HNF4G: variants seen among roughly 807,000 people sequenced by gnomAD.
HNF4G encodes hepatocyte nuclear factor 4-gamma.
HNF4G carries 21 observed loss-of-function variants against 50.9 expected under a neutral mutation model. The observed-to-expected ratio is 0.41, with a 90% confidence interval of 0.29 to 0.59. The LOEUF (loss-of-function observed/expected upper bound fraction) is 0.59, where lower values mean the gene tolerates loss of function less well. Ranked by LOEUF, HNF4G falls within the 20% of genes least tolerant of loss-of-function variation. The pLI is 0.26. For synonymous variants in HNF4G, 198 were observed against 185.6 expected (o/e 1.07, Z -0.54); for missense variants, 527 against 559.4 (o/e 0.94, Z 0.58).
At chr8:75,486,006 A>C (rs1812489398) in intron 1 of HNF4G, among the ~76,000 whole-genome samples, 1 of 152,206 alleles carries the variant, frequency 6.6e-6, no homozygotes, top group African/African-American at 2.4e-5. Context: ...GGTCTGCTCT[A>C]GCTGCCAACC....
chr8:75,514,290 AT>A (rs1805833461), intron 2 of HNF4G, among the ~76,000 whole-genome samples: 1 of 119,084 alleles, frequency 8.4e-6, no homozygotes, highest in African/African-American at 3.1e-5. Flanking sequence ...TGCTGGGTTT[AT>A]TTTTTCCATC....
intron 2 of HNF4G, among the ~76,000 whole-genome samples, chr8:75,545,242 TG>T (rs1806740623): frequency 8.6e-6 from 1 of 116,112 alleles, no homozygotes; most frequent in Non-Finnish European, 1.9e-5. Flanking sequence ...AAATTGAATG[TG>T]TGTGTGTGTG....
chr8:75,556,711 A>G (rs1807139328), intron 6 of HNF4G, among the ~76,000 whole-genome samples: 1 of 152,136 alleles, frequency 6.6e-6, no homozygotes, highest in Non-Finnish European at 1.5e-5. Context: ...TCCTTCTGAC[A>G]CTTACTAGCT....
At chr8:75,503,064 G>A (rs1028776562) in intron 2 of HNF4G, among the ~76,000 whole-genome samples, 2 of 152,144 alleles carry the variant, frequency 1.3e-5, no homozygotes, top group African/African-American at 4.8e-5. Flanking sequence ...ATTAGGAAGG[G>A]CAGCAGGGGG....
chr8:75,552,315 T>C (rs1369275246), intron 4 of HNF4G, among the ~76,000 whole-genome samples: 3 of 152,124 alleles, frequency 2.0e-5, no homozygotes, highest in Non-Finnish European at 4.4e-5. Flanking sequence ...AGGGGAGCTA[T>C]GAGAAAATAT....
intron 2 of HNF4G, among the ~76,000 whole-genome samples, chr8:75,518,999 A>G (rs1483433064): frequency 6.6e-6 from 1 of 152,106 alleles, no homozygotes; most frequent in Non-Finnish European, 1.5e-5. Flanking sequence ...ATTCCAAACC[A>G]TATCTTTTTG....
intron 1 of HNF4G, among the ~76,000 whole-genome samples, chr8:75,464,449 T>C (rs964740128): frequency 2.6e-5 from 4 of 152,310 alleles, no homozygotes; most frequent in Non-Finnish European, 4.4e-5. Context: ...CTCAGTTTTT[T>C]ACCCCCTCAA....
In HNF4G at chr8:75,418,970, G is replaced by A. The variant is rs933890408; in HGVS notation, c.-144+10808G>A. ...TCGAATTCCTGACCTCAGGTGATCC[G>A]CCTGCCTCGGCCTCCTGAAGTGCTG... is the stretch of plus-strand genomic sequence containing the variant. On this transcript the variant is annotated intron_variant, in intron 1 of 10. Coordinates refer to the HNF4G transcript ENST00000354370. 2.0e-4 allele frequency among the ~76,000 whole-genome samples: 31 copies of A among 151,956 alleles called. 1 individual carries two copies. Among genetic ancestry groups the A allele is most frequent in the East Asian group, 1.9e-4 (1 of 5,170 alleles).
chr8:75,527,208 G>C (rs1481389614), intron 2 of HNF4G: 1 of 151,848 alleles, frequency 6.6e-6, no homozygotes, highest in Non-Finnish European at 1.5e-5. Context: ...AAACGGCTAT[G>C]ATGTGCCTTA....
chr8:75,501,834 T>A (rs1812935769), intron 2 of HNF4G, among the ~76,000 whole-genome samples: 1 of 118,628 alleles, frequency 8.4e-6, no homozygotes, highest in Non-Finnish European at 1.7e-5. Context: ...TATCTTTTTT[T>A]CATGATGAGA....
intron 1 of HNF4G, among the ~76,000 whole-genome samples, chr8:75,484,104 TG>T (rs1812443034): frequency 6.6e-6 from 1 of 152,196 alleles, no homozygotes; most frequent in African/African-American, 2.4e-5. Flanking sequence ...ATGGCAAAAT[TG>T]GCAATATATT....
chr8:75,500,764 A>C (rs1251139130), intron 2 of HNF4G, among the ~76,000 whole-genome samples: 1 of 152,176 alleles, frequency 6.6e-6, no homozygotes, highest in East Asian at 1.9e-4. Flanking sequence ...ACACACATGC[A>C]CACAAAATAT....
chr8:75,471,193 T>C (rs1812103714), intron 1 of HNF4G, among the ~76,000 whole-genome samples: 1 of 152,218 alleles, frequency 6.6e-6, no homozygotes, highest in African/African-American at 2.4e-5. Flanking sequence ...ATTCATTTGA[T>C]TGAGTTGGTG....
At chr8:75,532,565 G>C (rs1469579770) in intron 2 of HNF4G, among the ~76,000 whole-genome samples, 3 of 152,030 alleles carry the variant, frequency 2.0e-5, no homozygotes, top group African/African-American at 7.2e-5. Flanking sequence ...TTTACACCTA[G>C]AGTGGAAGTG....
intron 1 of HNF4G, among the ~76,000 whole-genome samples, chr8:75,443,561 A>C (rs201340265): frequency 6.6e-6 from 1 of 152,122 alleles, no homozygotes; most frequent in Non-Finnish European, 1.5e-5. Context: ...GAGTCTCACT[A>C]TGTTGCCCAG....
At chr8:75,501,085 A>G (rs1392529830) in intron 2 of HNF4G, among the ~76,000 whole-genome samples, 1 of 152,060 alleles carries the variant, frequency 6.6e-6, no homozygotes, top group African/African-American at 2.4e-5. Context: ...AAAAAAGACT[A>G]ACAAGGGAAG....
chr8:75,551,361 A>G (rs1806948558), intron 3 of HNF4G, 27 bp from the exon 4 acceptor site: 1 of 1,313,656 alleles, frequency 7.6e-7, no homozygotes, highest in African/African-American at 1.4e-5. Context: ...AGAAGTGCTC[A>G]ATAAATACTG....
chr8:75,505,186 G>A (rs1813043952), intron 2 of HNF4G, among the ~76,000 whole-genome samples: 1 of 152,128 alleles, frequency 6.6e-6, no homozygotes, highest in Non-Finnish European at 1.5e-5. Flanking sequence ...CCCACTAAAT[G>A]TTGGTAGTTA....
chr8:75,513,118 A>C (rs1003847504), intron 2 of HNF4G, among the ~76,000 whole-genome samples: 4 of 150,688 alleles, frequency 2.7e-5, no homozygotes, highest in Admixed American at 2.6e-4. Flanking sequence ...GCTCACTATA[A>C]CCTTCGCCTC....
Sources: allele counts gnomAD v4.1 joint callset (sites outside exome capture counted in the v4.1 genomes callset), GRCh38; gene constraint gnomAD v4.1.1; transcripts MANE v1.5; gene names NCBI Gene and HGNC (gene_info 2026-07-23, HGNC 2026-07-21).